The following MAML3 variants were observed in gnomAD, a reference collection of about 807,000 sequenced individuals.
MAML3 encodes the protein mastermind-like protein 3.
Under a neutral mutation model 101.9 loss-of-function variants are expected in MAML3, and 27 were observed. The ratio of observed to expected loss-of-function variants is 0.27; its 90% CI spans 0.20 to 0.37. The LOEUF is 0.37. Ranked by LOEUF, MAML3 falls within the 10% of genes least tolerant of loss-of-function variation. MAML3 has a pLI of 1.00. For synonymous variants in MAML3, 501 were observed against 555.9 expected, an observed-to-expected ratio of 0.90 and a Z score of 1.39; for missense variants, 1,316 against 1,444.9, an observed-to-expected ratio of 0.91 and a Z score of 1.45.
intron 1 of MAML3, among the ~76,000 whole-genome samples, chr4:140,059,426 A>G (rs936033033): frequency 1.3e-5 from 2 of 152,180 alleles, no homozygotes; most frequent in Non-Finnish European, 2.9e-5. Context: ...AAAGTTTCAA[A>G]CATCTGATAA....
intron 1 of MAML3, among the ~76,000 whole-genome samples, chr4:139,999,858 A>G (rs1734887946): frequency 6.6e-6 from 1 of 152,224 alleles, no homozygotes; most frequent in Non-Finnish European, 1.5e-5. Flanking sequence ...AGTTCTGGAT[A>G]TACATTAAGA....
chr4:139,897,680 C>A (rs1417345677), intron 1 of MAML3, among the ~76,000 whole-genome samples: 1 of 152,308 alleles, frequency 6.6e-6, no homozygotes, highest in East Asian at 1.9e-4. Context: ...AACCCATTCT[C>A]TGCATCGTGG....
intron 1 of MAML3, among the ~76,000 whole-genome samples, chr4:140,127,657 A>G (rs948546115): frequency 6.6e-6 from 1 of 152,208 alleles, no homozygotes; most frequent in African/African-American, 2.4e-5. Flanking sequence ...TTTGCTAATA[A>G]TAACAGCTGA....
chr4:140,019,718 C>G (rs1027263492), intron 1 of MAML3, among the ~76,000 whole-genome samples: 1 of 152,140 alleles, frequency 6.6e-6, no homozygotes, highest in Non-Finnish European at 1.5e-5. Flanking sequence ...TTGGAAGCAC[C>G]GAAGTCCTTT....
At chr4:140,001,292 A>T (rs1734919380) in intron 1 of MAML3, among the ~76,000 whole-genome samples, 3 of 152,236 alleles carry the variant, frequency 2.0e-5, no homozygotes. Context: ...ACCAGTTTGA[A>T]GGCTCCAAAT....
intron 1 of MAML3, among the ~76,000 whole-genome samples, chr4:140,037,655 A>G (rs1727008533): frequency 6.6e-6 from 1 of 152,264 alleles, no homozygotes; most frequent in South Asian, 2.1e-4. Context: ...TGTTAGTTAT[A>G]CAGCTAACTA....
chr4:139,897,998 C>T (rs1274224554), intron 1 of MAML3, among the ~76,000 whole-genome samples: 2 of 152,224 alleles, frequency 1.3e-5, no homozygotes, highest in African/African-American at 4.8e-5. Context: ...CTTCACCTGA[C>T]CAATTCTATG....
intron 1 of MAML3, among the ~76,000 whole-genome samples, chr4:139,982,892 T>A (rs1038080663): frequency 3.5e-4 from 53 of 152,312 alleles, no homozygotes; most frequent in East Asian, 9.7e-4. Context: ...GAAGTGTTTA[T>A]CTGCACCCCC....
intron 1 of MAML3, among the ~76,000 whole-genome samples, chr4:139,913,527 A>G (rs1719190283): frequency 6.6e-6 from 1 of 152,196 alleles, no homozygotes; most frequent in Non-Finnish European, 1.5e-5. Context: ...AAAAGTCAGC[A>G]TTAATGGTCT....
At chr4:140,107,649 C>T (rs566491516) in intron 1 of MAML3, among the ~76,000 whole-genome samples, 9 of 151,864 alleles carry the variant, frequency 5.9e-5, no homozygotes, top group Admixed American at 2.0e-4. Flanking sequence ...GGATTACAGG[C>T]GCCCACCACC....
At chr4:140,047,841 ACTGT>A (rs1175156390) in intron 1 of MAML3, among the ~76,000 whole-genome samples, 4 of 151,534 alleles carry the variant, frequency 2.6e-5, no homozygotes, top group Admixed American at 6.6e-5. Flanking sequence ...AAGTTTGAAG[ACTGT>A]CTGTGAATTT....
intron 1 of MAML3, among the ~76,000 whole-genome samples, chr4:139,990,334 T>C (rs1462524355): frequency 1.3e-5 from 2 of 152,128 alleles, no homozygotes; most frequent in African/African-American, 4.8e-5. Context: ...GAAAAGGCCT[T>C]TGACAAAATT....
intron 1 of MAML3, among the ~76,000 whole-genome samples, chr4:139,958,507 C>T (rs1221073633): frequency 1.3e-5 from 2 of 152,136 alleles, no homozygotes; most frequent in Non-Finnish European, 2.9e-5. Context: ...ATTGCCAGAG[C>T]CCAAACCCTA....
intron 1 of MAML3, among the ~76,000 whole-genome samples, chr4:139,997,826 G>A (rs1286687854): frequency 6.6e-6 from 1 of 151,802 alleles, no homozygotes; most frequent in African/African-American, 2.4e-5. Flanking sequence ...GGTACAGAAG[G>A]TACAGAACTC....
At chr4:139,868,518 C>T (rs891994607) in intron 2 of MAML3, among the ~76,000 whole-genome samples, 4 of 152,156 alleles carry the variant, frequency 2.6e-5, no homozygotes, top group Non-Finnish European at 5.9e-5. Context: ...AAAGCCTGGG[C>T]CCTAAACTCA....
chr4:139,974,169 T>A (rs1303524748), intron 1 of MAML3, among the ~76,000 whole-genome samples: 1 of 150,666 alleles, frequency 6.6e-6, no homozygotes, highest in Non-Finnish European at 1.5e-5. Flanking sequence ...GCAGTGGCGC[T>A]ATCTCGGCTC....
At chr4:140,152,804 CACCA>C in intron 1 of MAML3, 52 bp downstream of exon 1, 4 of 1,546,070 alleles carry the variant, frequency 2.6e-6, no homozygotes, top group Non-Finnish European at 3.5e-6. Context: ...ACGCGCCCCC[CACCA>C]CCACCACCAC....
At chr4:139,851,315 T>TA (rs1731544639) in intron 2 of MAML3, among the ~76,000 whole-genome samples, 1 of 152,230 alleles carries the variant, frequency 6.6e-6, no homozygotes, top group African/African-American at 2.4e-5. Flanking sequence ...ACATCACAGA[T>TA]ATAACACGCC....
chr4:139,719,313 C>A lies in MAML3; in HGVS notation c.*10G>T. 1 of 1,554,346 alleles carries A rather than the reference C, an allele frequency of 6.4e-7. No homozygotes were observed. The highest frequency in any genetic ancestry group is 8.7e-7 in the Non-Finnish European group (1 of 1,148,950). On this transcript the variant is annotated 3_prime_UTR_variant, in exon 5 of 5. Coordinates refer to ENST00000509479, the MANE Select transcript of MAML3 (RefSeq NM_018717.5). ...ACCACTCGAGTTGTGGATCTTGGGG[C>A]CTCTCTTGATTAGGGGTTACCAAAC...
Sources: gnomAD v4.1 joint callset for allele counts (sites outside exome capture counted in the v4.1 genomes callset) on GRCh38, gnomAD v4.1.1 for gene constraint, MANE v1.5 for transcripts, NCBI Gene and HGNC (gene_info 2026-07-23, HGNC 2026-07-21) for gene names.